ITPR1: variants seen among roughly 807,000 people sequenced by gnomAD.
ITPR1 encodes inositol 1,4,5-trisphosphate-gated calcium channel ITPR1.
In ITPR1, 96 loss-of-function variants were observed where a neutral mutation model predicts 318.4. That is an observed-to-expected ratio of 0.30 (90% CI 0.26 to 0.36). ITPR1 has a LOEUF of 0.36. ITPR1 is among the 10% of genes least tolerant of loss of function. The pLI is 1.00. For missense variants in ITPR1, 2,440 were observed against 3,460.2 expected (o/e 0.71, Z 7.40); for synonymous variants, 1,312 against 1,289.9 (o/e 1.02, Z -0.37).
chr3:4,738,089 A>T (rs925833836), intron 44 of ITPR1, among the ~76,000 whole-genome samples: 1 of 152,196 alleles, frequency 6.6e-6, no homozygotes, highest in African/African-American at 2.4e-5. Context: ...GAGGGAGAGG[A>T]TGGAAAAATA....
chr3:4,844,323 T>C (rs1301087130), intron 61 of ITPR1, among the ~76,000 whole-genome samples: 1 of 152,028 alleles, frequency 6.6e-6, no homozygotes, highest in Non-Finnish European at 1.5e-5. Flanking sequence ...GGGGTTTTGC[T>C]ACGTTGCCCA....
chr3:4,780,939 C>T (rs147750628), intron 49 of ITPR1, among the ~76,000 whole-genome samples: 3 of 152,346 alleles, frequency 2.0e-5, no homozygotes, highest in East Asian at 1.9e-4. Flanking sequence ...GGCAGCCCCC[C>T]GGTGGTTGGA....
At chr3:4,822,887 G>A (rs1045035646) in intron 60 of ITPR1, among the ~76,000 whole-genome samples, 1 of 152,200 alleles carries the variant, frequency 6.6e-6, no homozygotes, top group Non-Finnish European at 1.5e-5. Flanking sequence ...GGCAGATCAA[G>A]GGAAGAGGGA....
chr3:4,838,094 A>G (rs765457392), intron 61 of ITPR1, among the ~76,000 whole-genome samples: 4 of 152,124 alleles, frequency 2.6e-5, no homozygotes, highest in Non-Finnish European at 5.9e-5. Flanking sequence ...ACTTAGATTT[A>G]TATTAATATT....
At chr3:4,754,843 A>G (rs1182246679) in intron 44 of ITPR1, among the ~76,000 whole-genome samples, 1 of 152,208 alleles carries the variant, frequency 6.6e-6, no homozygotes, top group African/African-American at 2.4e-5. Flanking sequence ...ATCTGTTTTC[A>G]AGGGTATCGT....
rs200199463 is a variant in ITPR1, at chr3:4,673,386, G to A, written c.2455G>A (p.Asp819Asn). Residue 819 changes from aspartate to asparagine, a missense_variant and splice_region_variant, in exon 21 of 62, where the codon GAC becomes AAC. By Grantham distance (23) the Asp-to-Asn change is conservative. Transcript: ENST00000649015. Reference sequence around the variant, plus strand: ...GATTCCCTCGGAGATCGCCATTGACGAGTGAGCCTGGCACCTGAAAACCTC... The same window carrying A: ...GATTCCCTCGGAGATCGCCATTGACAAGTGAGCCTGGCACCTGAAAACCTC... ...SEIPSEIAIDDYDSSGASKDE... is the reference protein window; with the variant it reads ...SEIPSEIAIDNYDSSGASKDE... 9.4e-6 allele frequency: 15 copies of A among 1,600,510 alleles called. No individual in the cohort carries two copies. The highest frequency in any genetic ancestry group is 9.0e-5 in the East Asian group (4 of 44,666).
chr3:4,665,950 C>G (rs2093937709), intron 17 of ITPR1, among the ~76,000 whole-genome samples: 1 of 152,098 alleles, frequency 6.6e-6, no homozygotes, highest in Non-Finnish European at 1.5e-5. Flanking sequence ...TCTGGAGACC[C>G]TTTTGAGTTT....
chr3:4,570,742 A>G (rs2087882576), intron 4 of ITPR1, among the ~76,000 whole-genome samples: 2 of 152,214 alleles, frequency 1.3e-5, no homozygotes, highest in South Asian at 4.1e-4. Flanking sequence ...ATATTTGGCC[A>G]TTTTGGGGAG....
In ITPR1 at chr3:4,702,797, G is replaced by C. The variant is rs989465236; in HGVS notation, c.4537-33G>C. The C allele has an allele frequency of 3.1e-6, 5 of 1,606,900 alleles. No individual in the cohort carries two copies. In the South Asian group the frequency reaches 4.4e-5, roughly 14 times the overall value. ...ATCAGTAGTCTACAAATAAAAATCT[G>C]TTTTTCACGTTGCCTCTTTTGGCTT... On this transcript the variant is annotated intron_variant, in intron 35 of 61. Transcript: ENST00000649015.
chr3:4,575,060 T>A (rs748501483), intron 4 of ITPR1, among the ~76,000 whole-genome samples: 12 of 152,258 alleles, frequency 7.9e-5, no homozygotes, highest in South Asian at 2.1e-4. Context: ...TCTCTACTTA[T>A]GATTTCTGTA....
At chr3:4,553,812 G>A in intron 4 of ITPR1, among the ~76,000 whole-genome samples, 1 of 152,036 alleles carries the variant, frequency 6.6e-6, no homozygotes, top group East Asian at 1.9e-4. Context: ...TGTTGGCCAG[G>A]ATGGTCTCGA....
rs113191956 is a variant in ITPR1, at chr3:4,689,424, C to T, written c.3828+804C>T. ...ATCTGAAAATCTGAAATCTGAAAGA[C>T]TCCAAAATTCAAAACTTTTGAGTGC... On this transcript the variant is annotated intron_variant, in intron 31 of 61. Coordinates refer to ENST00000649015, the MANE Select transcript of ITPR1 (RefSeq NM_001378452.1). Among the ~76,000 whole-genome samples, 364 of 152,332 alleles carry T rather than the reference C, an allele frequency of 2.4e-3. 1 individual carries two copies. The highest frequency in any genetic ancestry group is 8.1e-3 in the African/African-American group (335 of 41,574).
At chr3:4,843,455 C>T (rs1361089737) in intron 61 of ITPR1, among the ~76,000 whole-genome samples, 1 of 152,166 alleles carries the variant, frequency 6.6e-6, no homozygotes, top group Admixed American at 6.5e-5. Flanking sequence ...GTGTAGTCCC[C>T]AGACCGGCAA....
intron 34 of ITPR1, among the ~76,000 whole-genome samples, chr3:4,698,602 G>T (rs1485283256): frequency 1.3e-5 from 2 of 152,100 alleles, no homozygotes; most frequent in East Asian, 1.9e-4. Flanking sequence ...AGCAGATTTG[G>T]CTGTGTTCCA....
chr3:4,543,648 G>T (rs1409448992), intron 4 of ITPR1, among the ~76,000 whole-genome samples: 1 of 152,032 alleles, frequency 6.6e-6, no homozygotes, highest in Non-Finnish European at 1.5e-5. Context: ...TCACCCTGTT[G>T]GCCAGGCTGG....
intron 36 of ITPR1, among the ~76,000 whole-genome samples, chr3:4,703,208 A>C (rs887504377): frequency 5.3e-5 from 8 of 152,200 alleles, no homozygotes; most frequent in African/African-American, 1.9e-4. Flanking sequence ...GTTGTTAGGC[A>C]ATTCTTTGGC....
intron 4 of ITPR1, among the ~76,000 whole-genome samples, chr3:4,571,748 C>T (rs1288532657): frequency 6.6e-6 from 1 of 152,134 alleles, no homozygotes; most frequent in Non-Finnish European, 1.5e-5. Context: ...TTACCATAAA[C>T]AGAACAGGGA....
At chr3:4,810,895 C>G (rs2048899291) in intron 55 of ITPR1, among the ~76,000 whole-genome samples, 1 of 152,212 alleles carries the variant, frequency 6.6e-6, no homozygotes, top group Non-Finnish European at 1.5e-5. Context: ...GGGTGGCTGG[C>G]TCTTCATAAA....
chr3:4,691,111 G>T lies in ITPR1; in HGVS notation c.3829-33G>T, dbSNP rs779346313. On this transcript the variant is annotated intron_variant, in intron 31 of 61. Coordinates refer to ENST00000649015, the MANE Select transcript of ITPR1 (RefSeq NM_001378452.1). ...ATCTGTTCTGTCAGCTTTTTGACTT[G>T]TCCCTGTGCTCTTTTCCTCACTCTT... 7 of 1,497,602 alleles carry T rather than the reference G, an allele frequency of 4.7e-6. No individual in the cohort carries two copies. In the African/African-American group the frequency reaches 8.3e-5, roughly 18 times the overall value. 92.8% of individuals were successfully genotyped at this position (1,497,602 alleles called of 1,614,324 possible).
Sources: allele counts gnomAD v4.1 joint callset (sites outside exome capture counted in the v4.1 genomes callset), GRCh38; gene constraint gnomAD v4.1.1; transcripts MANE v1.5; gene names NCBI Gene and HGNC (gene_info 2026-07-23, HGNC 2026-07-21).